SLC5A4: variants seen among roughly 807,000 people sequenced by gnomAD.
SLC5A4 encodes probable glucose sensor protein SLC5A4.
In SLC5A4, 55 loss-of-function variants were observed where a neutral mutation model predicts 70.3. The observed-to-expected ratio is 0.78, with a 90% CI of 0.63 to 0.98. The LOEUF (loss-of-function observed/expected upper bound fraction) is 0.98, where lower values mean the gene tolerates loss of function less well. Among genes scored for constraint, SLC5A4 ranks in the 50% least tolerant of loss-of-function variants. The probability of loss-of-function intolerance (pLI) is 0.00; values close to 1 mark genes in which losing one functional copy is unlikely to be tolerated. For synonymous variants in SLC5A4, 268 were observed against 305.7 expected, an observed-to-expected ratio of 0.88 and a Z score of 1.29; for missense variants, 735 against 839.2, an observed-to-expected ratio of 0.88 and a Z score of 1.53.
the SLC5A4 span, among the ~76,000 whole-genome samples, chr22:32,330,599 TA>T: frequency 9.5e-4 from 105 of 110,474 alleles, 2 homozygotes; most frequent in African/African-American, 2.1e-3. Context: ...TGTGTGTGTG[TA>T]GGAAACTGTT....
chr22:32,305,301 C>A, the SLC5A4 span, among the ~76,000 whole-genome samples: 1 of 150,306 alleles, frequency 6.7e-6, no homozygotes, highest in South Asian at 2.1e-4. Context: ...TCTGACTGCT[C>A]CCGGGCTTGT....
chr22:32,304,239 G>A, the SLC5A4 span, among the ~76,000 whole-genome samples: 1 of 152,092 alleles, frequency 6.6e-6, no homozygotes, highest in African/African-American at 2.4e-5. Context: ...TGATTCTCCT[G>A]CCTCAGCCTC....
the SLC5A4 span, among the ~76,000 whole-genome samples, chr22:32,316,690 C>T: frequency 1.2e-4 from 16 of 128,938 alleles, no homozygotes; most frequent in African/African-American, 2.6e-4. Context: ...CCACCATGCT[C>T]GGCTAATTTT....
chr22:32,219,152 A>C (rs1924901524), intron 14 of SLC5A4, among the ~76,000 whole-genome samples: 1 of 152,324 alleles, frequency 6.6e-6, no homozygotes, highest in Middle Eastern at 3.4e-3. Context: ...TTTCTCATCT[A>C]TTAGTGGGAA....
At chr22:32,224,200 G>C in intron 13 of SLC5A4, 67 bp downstream of exon 13, 3 of 1,255,590 alleles carry the variant, frequency 2.4e-6, no homozygotes, top group Non-Finnish European at 2.3e-6. Context: ...GATTACAGGC[G>C]TGAGCCACTG....
chr22:32,223,708 G>C (rs1925218602), intron 13 of SLC5A4, among the ~76,000 whole-genome samples: 1 of 152,160 alleles, frequency 6.6e-6, no homozygotes, highest in Non-Finnish European at 1.5e-5. Context: ...TGACAATGCT[G>C]TAGATTGACT....
At chr22:32,281,883 G>C in the SLC5A4 span, among the ~76,000 whole-genome samples, 1 of 152,140 alleles carries the variant, frequency 6.6e-6, no homozygotes, top group African/African-American at 2.4e-5. Flanking sequence ...TCGCTCTGTA[G>C]CCCAGGCTGG....
chr22:32,227,852 T>G (rs907815500), intron 11 of SLC5A4, among the ~76,000 whole-genome samples: 8 of 150,626 alleles, frequency 5.3e-5, no homozygotes, highest in African/African-American at 2.0e-4. Context: ...GGAGAATCGC[T>G]TGAACTCGGG....
At chr22:32,288,809 C>T in the SLC5A4 span, among the ~76,000 whole-genome samples, 6 of 152,156 alleles carry the variant, frequency 3.9e-5, no homozygotes, top group Non-Finnish European at 8.8e-5. Flanking sequence ...GCCTCCCAAA[C>T]TGCTGGGATT....
At chr22:32,322,906 A>G in the SLC5A4 span, among the ~76,000 whole-genome samples, 13 of 152,238 alleles carry the variant, frequency 8.5e-5, no homozygotes, top group Admixed American at 8.5e-4. Flanking sequence ...ATTTCAGCTT[A>G]GGAGGGCTTG....
the SLC5A4 span, among the ~76,000 whole-genome samples, chr22:32,329,744 G>A: frequency 1.0e-3 from 53 of 52,946 alleles, no homozygotes; most frequent in Non-Finnish European, 1.3e-3. Context: ...TGTGTTGGGG[G>A]CTCTGGTGTG....
chr22:32,310,740 T>C, the SLC5A4 span, among the ~76,000 whole-genome samples: 5 of 152,378 alleles, frequency 3.3e-5, no homozygotes, highest in South Asian at 4.1e-4. Context: ...CGGCTGAGTC[T>C]GTCTTCTCAT....
rs1041245950 is a variant in SLC5A4 at position 32,248,908 on chromosome 22, T to A, written c.313-106A>T. The A allele has an allele frequency of 1.4e-5, 11 of 766,696 alleles. No homozygotes were observed. The East Asian group carries it at 2.4e-4, about 17-fold the overall frequency. 47.5% of individuals were successfully genotyped at this position (766,696 alleles called of 1,614,324 possible). ...CTGGAAATTAAAAAAAAAAGTTGGC[T>A]CAATCCTGTCCCATTCAAACAACTA... On this transcript the variant is annotated intron_variant, in intron 3 of 14. Coordinates refer to ENST00000266086, the MANE Select transcript of SLC5A4 (RefSeq NM_014227.3).
rs765926283 is a variant in SLC5A4 at position 32,220,951 on chromosome 22, A to C, written c.1737T>G (p.Ser579Arg). The C allele has an allele frequency of 3.1e-6, 5 of 1,613,544 alleles. No homozygotes were observed. The East Asian group carries it at 1.1e-4, about 36-fold the overall frequency. Residue 579 changes from serine (S) to arginine (R), a missense_variant, in exon 14 of 15, where the codon AGT (serine) becomes AGG (arginine). Ser to Arg is a moderately radical substitution (Grantham distance 110). Coordinates refer to ENST00000266086, the MANE Select transcript of SLC5A4 (RefSeq NM_014227.3). ...CAACACCATCATCTGTTTCTTCCTGACTTTTCTCTTCTGCATCTATATCGA... is the reference window on the plus strand; with the variant it reads ...CAACACCATCATCTGTTTCTTCCTGCCTTTTCTCTTCTGCATCTATATCGA... ...ERIDIDAEEKSQEETDDGVEE... is the reference protein window; with the variant it reads ...ERIDIDAEEKRQEETDDGVEE...
chr22:32,309,120 G>C, the SLC5A4 span, among the ~76,000 whole-genome samples: 1 of 152,144 alleles, frequency 6.6e-6, no homozygotes, highest in Admixed American at 6.5e-5. Flanking sequence ...TGAGCAGGCT[G>C]CTTCTCTAGG....
At chr22:32,343,704 TTGA>T in the SLC5A4 span, among the ~76,000 whole-genome samples, 30 of 152,334 alleles carry the variant, frequency 2.0e-4, no homozygotes, top group Non-Finnish European at 4.0e-4. Flanking sequence ...CAAGGCTCTG[TTGA>T]TGAACCCAAT....
At chr22:32,272,112 G>C in the SLC5A4 span, 1 of 666,078 alleles carries the variant, frequency 1.5e-6, no homozygotes, top group South Asian at 1.7e-5. Context: ...CACGAAGACA[G>C]TGTCGCTGCA....
At chr22:32,350,390 G>A in the SLC5A4 span, among the ~76,000 whole-genome samples, 1 of 152,112 alleles carries the variant, frequency 6.6e-6, no homozygotes. Flanking sequence ...GATGCACTTG[G>A]TATGGTAGCT....
the SLC5A4 span, among the ~76,000 whole-genome samples, chr22:32,335,499 G>A: frequency 4.6e-5 from 7 of 152,176 alleles, no homozygotes; most frequent in South Asian, 2.1e-4. Flanking sequence ...TCCTATGAGC[G>A]GAGTACGGAG....
Sources: allele counts gnomAD v4.1 joint callset (sites outside exome capture counted in the v4.1 genomes callset), GRCh38; gene constraint gnomAD v4.1.1; transcripts MANE v1.5; gene names NCBI Gene and HGNC (gene_info 2026-07-23, HGNC 2026-07-21).